The following CDH12 variants were observed in gnomAD, a reference collection of about 807,000 sequenced individuals.
The protein encoded by CDH12 is cadherin-12.
Under a neutral mutation model 74.1 loss-of-function variants are expected in CDH12, and 41 were observed. That is an observed-to-expected ratio of 0.55 (90% CI 0.43 to 0.72). CDH12 has a LOEUF of 0.72. Ranked by LOEUF, CDH12 falls within the 30% of genes least tolerant of loss-of-function variation. The pLI, the probability that CDH12 is intolerant of heterozygous loss-of-function variation, is 0.00. For synonymous variants in CDH12, 399 were observed against 355.0 expected (o/e 1.12, Z -1.39); for missense variants, 945 against 977.2 (o/e 0.97, Z 0.44).
intron 1 of CDH12, among the ~76,000 whole-genome samples, chr5:22,586,506 A>ATATATATATATAT (rs1366866807): frequency 8.5e-5 from 11 of 129,054 alleles, no homozygotes; most frequent in African/African-American, 3.2e-4. Context: ...TATATATATA[A>ATATATATATATAT]ATAAAAATAA....
At chr5:22,840,431 A>C (rs931281618) in intron 1 of CDH12, among the ~76,000 whole-genome samples, 6 of 152,042 alleles carry the variant, frequency 3.9e-5, no homozygotes, top group African/African-American at 1.2e-4. Context: ...ACTCATGCTA[A>C]TAAATGCTTG....
intron 1 of CDH12, among the ~76,000 whole-genome samples, chr5:22,743,780 C>G (rs1745154298): frequency 6.6e-6 from 1 of 151,952 alleles, no homozygotes; most frequent in African/African-American, 2.4e-5. Context: ...AAATATGTAA[C>G]ATTCCTGTTA....
intron 3 of CDH12, among the ~76,000 whole-genome samples, chr5:22,369,649 G>C (rs183429968): frequency 6.6e-6 from 1 of 152,300 alleles, no homozygotes; most frequent in East Asian, 1.9e-4. Context: ...CTGAGGAGAT[G>C]CCACCATTTT....
chr5:21,864,371 A>G (rs1751216258), intron 6 of CDH12, among the ~76,000 whole-genome samples: 1 of 152,174 alleles, frequency 6.6e-6, no homozygotes, highest in Non-Finnish European at 1.5e-5. Context: ...ATACCATACA[A>G]TCAGTTGGAA....
intron 3 of CDH12, among the ~76,000 whole-genome samples, chr5:22,275,484 C>T (rs1561274904): frequency 6.6e-6 from 1 of 151,984 alleles, no homozygotes; most frequent in Non-Finnish European, 1.5e-5. Flanking sequence ...AACAGTAAAG[C>T]TGTACTTTAC....
chr5:22,020,742 G>A (rs893331781), intron 5 of CDH12, among the ~76,000 whole-genome samples: 1 of 151,608 alleles, frequency 6.6e-6, no homozygotes, highest in Admixed American at 6.6e-5. Context: ...ATTGTATTGA[G>A]TTATCCCCCC....
rs1242685603 is a variant in CDH12 at position 21,751,950 on chromosome 5, A to T, written c.2172T>A (p.Asn724Lys). 1 of 1,613,840 alleles carries T rather than the reference A, an allele frequency of 6.2e-7. No homozygotes were observed. The highest frequency in any genetic ancestry group is 2.2e-5 in the East Asian group (1 of 44,844). Residue 724 changes from asparagine to lysine, a missense_variant, in exon 15 of 15, where the codon AAT becomes AAA. Asn to Lys is a moderately conservative substitution (Grantham distance 94, BLOSUM62 0). Transcript: ENST00000382254. ...RDFIHQRLQE[N>K]DVDPTAPPYD... ...ATGGTGGGGCAGTTGGATCCACATC[A>T]TTTTCCTGTAGCCTTTGATGAATGA...
At position 22,810,694 on chromosome 5, in the gene CDH12, T is replaced by C. The variant is rs1052890909; in HGVS notation, c.-523+42364A>G. Among the ~76,000 whole-genome samples the C allele has an allele frequency of 3.9e-5, 6 of 152,156 alleles. No homozygotes were observed. In the East Asian group the frequency reaches 7.8e-4, roughly 20 times the overall value. The stretch of plus-strand genomic sequence containing the variant: ...AAGTTAGAAACAAGTCTGGTAAACA[T>C]ACTGAGACTCCATCTCTGTCAAAAA... On this transcript the variant is annotated intron_variant, in intron 1 of 14. Coordinates refer to ENST00000382254, the MANE Select transcript of CDH12 (RefSeq NM_004061.5).
intron 4 of CDH12, among the ~76,000 whole-genome samples, chr5:22,137,089 T>TA (rs1231457780): frequency 6.6e-6 from 1 of 151,704 alleles, no homozygotes; most frequent in Non-Finnish European, 1.5e-5. Context: ...AATCTGGCCT[T>TA]ACAGTATGAT....
intron 3 of CDH12, among the ~76,000 whole-genome samples, chr5:22,227,463 T>C (rs1026373382): frequency 1.3e-5 from 2 of 152,108 alleles, no homozygotes; most frequent in Non-Finnish European, 2.9e-5. Flanking sequence ...ATTTGTTTGA[T>C]TTTTTCAGGG....
intron 3 of CDH12, among the ~76,000 whole-genome samples, chr5:22,233,093 T>G (rs1752441983): frequency 6.6e-6 from 1 of 151,414 alleles, no homozygotes. Flanking sequence ...AAAGATTACT[T>G]TTAATGATTT....
intron 1 of CDH12, among the ~76,000 whole-genome samples, chr5:22,756,669 T>A (rs966276257): frequency 2.6e-5 from 4 of 152,156 alleles, no homozygotes; most frequent in African/African-American, 9.6e-5. Flanking sequence ...TTTACAAATT[T>A]AATTGTTACT....
At chr5:22,821,354 T>C (rs1749691106) in intron 1 of CDH12, among the ~76,000 whole-genome samples, 1 of 152,134 alleles carries the variant, frequency 6.6e-6, no homozygotes, top group African/African-American at 2.4e-5. Context: ...TCACCACTCC[T>C]ATTCAACATA....
chr5:22,564,469 T>A (rs1407522042), intron 1 of CDH12, among the ~76,000 whole-genome samples: 1 of 152,246 alleles, frequency 6.6e-6, no homozygotes, highest in Non-Finnish European at 1.5e-5. Context: ...TATTTGATAT[T>A]ACCAAACATT....
intron 7 of CDH12, among the ~76,000 whole-genome samples, chr5:21,846,842 AAAG>A (rs760940244): frequency 1.3e-5 from 2 of 152,136 alleles, no homozygotes; most frequent in Non-Finnish European, 2.9e-5. Context: ...TAATGTCATA[AAAG>A]AAGAAAATGG....
rs576195230 is a variant in CDH12, at chr5:22,199,497, A to C, written c.-187+13001T>G. The stretch of plus-strand genomic sequence containing the variant: ...TGTGAAGCATTCATCGCTTTAACTA[A>C]ATTTTTGTGTTAACTGTTTTCATTC... On this transcript the variant is annotated intron_variant, in intron 4 of 14. Transcript: ENST00000382254. Among the ~76,000 whole-genome samples the C allele has an allele frequency of 2.0e-5, 3 of 152,278 alleles. No homozygotes were observed. The South Asian group carries it at 6.2e-4, about 32-fold the overall frequency.
intron 3 of CDH12, among the ~76,000 whole-genome samples, chr5:22,247,445 G>A (rs959679388): frequency 1.3e-5 from 2 of 152,148 alleles, no homozygotes; most frequent in Non-Finnish European, 2.9e-5. Flanking sequence ...GGGAAACTGA[G>A]GTGGGTGGAT....
intron 1 of CDH12, among the ~76,000 whole-genome samples, chr5:22,539,079 T>G (rs544796120): frequency 6.9e-4 from 105 of 152,260 alleles, no homozygotes; most frequent in African/African-American, 2.4e-3. Flanking sequence ...TTTAATAATA[T>G]TACAATGCAA....
At chr5:22,440,661 A>C (rs1386625341) in intron 2 of CDH12, among the ~76,000 whole-genome samples, 3 of 152,106 alleles carry the variant, frequency 2.0e-5, no homozygotes, top group Non-Finnish European at 4.4e-5. Context: ...TTCTAGAAAG[A>C]CTGTCCCATT....
Sources: gnomAD v4.1 joint callset for allele counts (sites outside exome capture counted in the v4.1 genomes callset) on GRCh38, gnomAD v4.1.1 for gene constraint, MANE v1.5 for transcripts, NCBI Gene and HGNC (gene_info 2026-07-23, HGNC 2026-07-21) for gene names.